CSMD1: variants seen among roughly 807,000 people sequenced by gnomAD.
CSMD1 encodes CUB and Sushi multiple domains 1, also known as CUB and sushi domain-containing protein 1.
In CSMD1, 213 loss-of-function variants were observed where a neutral mutation model predicts 417.5. The observed-to-expected ratio is 0.51, with a 90% CI of 0.46 to 0.57. CSMD1 has a LOEUF of 0.57. Ranked by LOEUF, CSMD1 falls within the 20% of genes least tolerant of loss-of-function variation. The pLI is 0.00. For missense variants in CSMD1, 6,923 were observed against 4,529.7 expected, an observed-to-expected ratio of 1.53 and a Z score of -15.17; for synonymous variants, 2,862 against 1,736.8, an observed-to-expected ratio of 1.65 and a Z score of -16.11.
intron 1 of CSMD1, among the ~76,000 whole-genome samples, chr8:4,706,277 C>A (rs984695009): frequency 6.6e-6 from 1 of 151,780 alleles, no homozygotes; most frequent in African/African-American, 2.4e-5. Flanking sequence ...TCTTTTAATT[C>A]CCTGTCCATT....
At chr8:3,774,572 T>A (rs1251181914) in intron 5 of CSMD1, among the ~76,000 whole-genome samples, 2 of 152,194 alleles carry the variant, frequency 1.3e-5, no homozygotes, top group Non-Finnish European at 2.9e-5. Flanking sequence ...GAACGTCATG[T>A]CTTCCTGCTT....
chr8:3,669,495 A>G (rs1168093891), intron 7 of CSMD1, among the ~76,000 whole-genome samples: 2 of 152,208 alleles, frequency 1.3e-5, no homozygotes, highest in Admixed American at 1.3e-4. Flanking sequence ...CCTCTACTAA[A>G]TATTGAGAAT....
At chr8:3,738,112 C>A (rs752312418) in intron 6 of CSMD1, among the ~76,000 whole-genome samples, 1 of 152,142 alleles carries the variant, frequency 6.6e-6, no homozygotes, top group Non-Finnish European at 1.5e-5. Context: ...TGGGCTCTAA[C>A]ATACACTTTT....
intron 22 of CSMD1, 80 bp from the exon 23 acceptor site, chr8:3,343,530 C>A: frequency 3.2e-6 from 4 of 1,264,816 alleles, no homozygotes; most frequent in Non-Finnish European, 3.3e-6. Context: ...CAATCCAAAT[C>A]TTCAAAGATG....
chr8:3,222,114 G>A (rs372838336), intron 28 of CSMD1, among the ~76,000 whole-genome samples: 1 of 152,104 alleles, frequency 6.6e-6, no homozygotes, highest in Non-Finnish European at 1.5e-5. Flanking sequence ...GATTTCTGAA[G>A]TTTCTGAGAC....
chr8:4,586,937 G>A (rs1480271545), intron 2 of CSMD1, among the ~76,000 whole-genome samples: 1 of 152,140 alleles, frequency 6.6e-6, no homozygotes, highest in African/African-American at 2.4e-5. Flanking sequence ...GAACTTGCAT[G>A]CATGAATCTG....
intron 3 of CSMD1, among the ~76,000 whole-genome samples, chr8:4,363,616 T>C (rs1801901744): frequency 1.3e-5 from 2 of 152,124 alleles, no homozygotes; most frequent in African/African-American, 4.8e-5. Flanking sequence ...AACATCAACG[T>C]CCCTGGGAAG....
At chr8:3,499,519 C>T (rs1189056303) in intron 10 of CSMD1, among the ~76,000 whole-genome samples, 2 of 152,032 alleles carry the variant, frequency 1.3e-5, no homozygotes, top group Non-Finnish European at 2.9e-5. Flanking sequence ...GTGTTCACTG[C>T]TGGCAGCAGT....
chr8:4,048,964 A>C (rs1371878255), intron 3 of CSMD1, among the ~76,000 whole-genome samples: 3 of 152,146 alleles, frequency 2.0e-5, no homozygotes, highest in African/African-American at 7.2e-5. Flanking sequence ...CTATCGTATA[A>C]ATGTGTGTGA....
chr8:3,168,329 T>C (rs1026369154), intron 37 of CSMD1, among the ~76,000 whole-genome samples: 1 of 152,200 alleles, frequency 6.6e-6, no homozygotes, highest in Non-Finnish European at 1.5e-5. Context: ...ATAATTATTC[T>C]CTGGCACACG....
intron 1 of CSMD1, among the ~76,000 whole-genome samples, chr8:4,709,912 T>C (rs544929013): frequency 1.3e-5 from 2 of 152,070 alleles, no homozygotes; most frequent in African/African-American, 2.4e-5. Flanking sequence ...GGCCCAAGGA[T>C]TGAAAAACTA....
chr8:3,688,991 G>C (rs1412703853), intron 7 of CSMD1, among the ~76,000 whole-genome samples: 1 of 152,114 alleles, frequency 6.6e-6, no homozygotes, highest in Non-Finnish European at 1.5e-5. Flanking sequence ...CACTTTCGAG[G>C]CTCTGCATAG....
intron 25 of CSMD1, among the ~76,000 whole-genome samples, chr8:3,301,197 TAAAAC>T (rs951966936): frequency 2.0e-4 from 30 of 151,710 alleles, no homozygotes; most frequent in Non-Finnish European, 3.5e-4. Flanking sequence ...ATTTTTAAAA[TAAAAC>T]AAACCATATT....
chr8:3,177,776 G>C (rs573717460), intron 37 of CSMD1, among the ~76,000 whole-genome samples: 1 of 152,282 alleles, frequency 6.6e-6, no homozygotes, highest in African/African-American at 2.4e-5. Flanking sequence ...CTGCCACCTT[G>C]TTGGCCAGCA....
At chr8:4,285,141 T>C (rs1796992720) in intron 3 of CSMD1, among the ~76,000 whole-genome samples, 1 of 152,218 alleles carries the variant, frequency 6.6e-6, no homozygotes. Flanking sequence ...CTTACAGATA[T>C]TTTGGTTGTC....
rs576753201 is a variant in CSMD1, at chr8:3,632,521, T to A, written c.1010-15724A>T. On this transcript the variant is annotated intron_variant, in intron 7 of 69. Coordinates refer to ENST00000635120, the MANE Select transcript of CSMD1 (RefSeq NM_033225.6). The stretch of plus-strand genomic sequence containing the variant: ...CTTAGATTGTGATGGGCGTTGAAGA[T>A]GAGTATTGGTTAGAACAAGTGGGAT... 9.1e-4 allele frequency among the ~76,000 whole-genome samples: 139 copies of A among 152,288 alleles called. 1 individual carries two copies. Among genetic ancestry groups the A allele is most frequent in the Non-Finnish European group, 1.7e-3 (119 of 68,016 alleles).
chr8:3,009,094 G>C (rs940352701), intron 52 of CSMD1, among the ~76,000 whole-genome samples: 10 of 152,200 alleles, frequency 6.6e-5, no homozygotes, highest in African/African-American at 2.2e-4. Flanking sequence ...GACAGACCTG[G>C]AGCCGTGCAT....
intron 2 of CSMD1, among the ~76,000 whole-genome samples, chr8:4,448,667 TTTC>T (rs1180513666): frequency 1.3e-5 from 2 of 152,230 alleles, no homozygotes; most frequent in African/African-American, 2.4e-5. Flanking sequence ...AACATCTGAC[TTTC>T]TTCTCAGTAG....
At chr8:4,380,408 C>A (rs1392983428) in intron 3 of CSMD1, among the ~76,000 whole-genome samples, 4 of 152,134 alleles carry the variant, frequency 2.6e-5, no homozygotes, top group Admixed American at 1.3e-4. Flanking sequence ...AGGAAAACAT[C>A]AGAAACATCA....
Sources: allele counts gnomAD v4.1 joint callset (sites outside exome capture counted in the v4.1 genomes callset), GRCh38; gene constraint gnomAD v4.1.1; transcripts MANE v1.5; gene names NCBI Gene and HGNC (gene_info 2026-07-23, HGNC 2026-07-21).